PDCD4: variants seen among roughly 807,000 people sequenced by gnomAD.
PDCD4 encodes programmed cell death 4, also known as programmed cell death protein 4.
In PDCD4, 56 loss-of-function variants were observed where a neutral mutation model predicts 54.0. The ratio of observed to expected loss-of-function variants is 1.04; its 90% CI spans 0.84 to 1.30. PDCD4 has a LOEUF of 1.30. PDCD4 is among the 50% of genes most tolerant of loss of function. The pLI is 0.00. For missense variants in PDCD4, 584 were observed against 559.8 expected (o/e 1.04, Z -0.44); for synonymous variants, 186 against 194.8 (o/e 0.95, Z 0.37).
At chr10:110,876,560 G>GTGAAAA in intron 2 of PDCD4, 1 of 398,346 alleles carries the variant, frequency 2.5e-6, no homozygotes, top group Non-Finnish European at 4.6e-6. Flanking sequence ...GAGAAGAATA[G>GTGAAAA]TGAGCCTGCT....
At chr10:110,882,635 C>A (rs1047855917) in intron 3 of PDCD4, among the ~76,000 whole-genome samples, 1 of 151,978 alleles carries the variant, frequency 6.6e-6, no homozygotes, top group East Asian at 1.9e-4. Context: ...TAAGCTTTAC[C>A]GGCCCAGAAT....
At chr10:110,882,876 G>A in intron 3 of PDCD4, 127 bp from the exon 4 acceptor site, 1 of 622,230 alleles carries the variant, frequency 1.6e-6, no homozygotes, top group Non-Finnish European at 2.8e-6. Flanking sequence ...GAAGAAAACT[G>A]GAAAAAAACT....
At chr10:110,890,712 C>T in intron 8 of PDCD4, 42 bp downstream of exon 8, 1 of 1,245,248 alleles carries the variant, frequency 8.0e-7, no homozygotes, top group Non-Finnish European at 1.1e-6. Flanking sequence ...TATATGTATT[C>T]CTCTGAGTGA....
chr10:110,895,800 C>T, intron 10 of PDCD4, 148 bp from the exon 11 acceptor site: 1 of 571,846 alleles, frequency 1.7e-6, no homozygotes, highest in Non-Finnish European at 3.0e-6. Flanking sequence ...AATCTACTTT[C>T]TGTGCTTCTC....
chr10:110,885,888 A>G (rs1395900403), intron 5 of PDCD4, among the ~76,000 whole-genome samples: 3 of 152,212 alleles, frequency 2.0e-5, no homozygotes, highest in Non-Finnish European at 4.4e-5. Context: ...TGATTTGTTC[A>G]TAAAGTAAAT....
At chr10:110,875,884 T>C (rs1279437854) in intron 1 of PDCD4, 82 bp from the exon 2 acceptor site, 2 of 506,464 alleles carry the variant, frequency 3.9e-6, no homozygotes, top group Non-Finnish European at 3.5e-6. Context: ...GTTTTTACAG[T>C]GTGCTTAAGT....
At chr10:110,872,135 T>G (rs1845418460) in intron 1 of PDCD4, 117 bp downstream of exon 1, 1 of 152,034 alleles carries the variant, frequency 6.6e-6, no homozygotes, top group Non-Finnish European at 1.5e-5. Context: ...GGGGTCGCGG[T>G]CCTGTCAGGT....
chr10:110,897,355 A>G (rs1028679184), intron 11 of PDCD4, among the ~76,000 whole-genome samples: 3 of 152,152 alleles, frequency 2.0e-5, no homozygotes, highest in Non-Finnish European at 4.4e-5. Context: ...GCTTGTGCCT[A>G]TTGGCCTGGG....
Position 110,889,651 on chromosome 10 carries a change from A to G in PDCD4, c.875+21A>G, listed in dbSNP as rs767338380. On this transcript the variant is annotated intron_variant, in intron 7 of 11. Transcript: ENST00000280154. ...GCTAGGTAAGTAAATCACTTTTCCT[A>G]CTTAGAATTTCAAAATAGGGGAAAA... 3.6e-6 allele frequency: 5 copies of G among 1,376,086 alleles called. No individual in the cohort carries two copies. In the South Asian group the frequency reaches 4.9e-5, roughly 13 times the overall value. The allele number at this position is 1,376,086 out of a possible 1,614,324, so 85.2% of individuals were successfully genotyped here.
At chr10:110,889,457 T>G (rs1845722485) in intron 6 of PDCD4, 76 bp from the exon 7 acceptor site, 4 of 817,394 alleles carry the variant, frequency 4.9e-6, no homozygotes. Flanking sequence ...ATCTTCATCA[T>G]TTATGTATTT....
intron 10 of PDCD4, among the ~76,000 whole-genome samples, chr10:110,894,853 A>G (rs1242793700): frequency 6.6e-6 from 1 of 151,810 alleles, no homozygotes; most frequent in Non-Finnish European, 1.5e-5. Flanking sequence ...AACAAATTAT[A>G]AAGTACTTTT....
rs529575992 is a variant in PDCD4, at chr10:110,872,832, T to C, written c.-63+814T>C. ...ATGCCATCTTCTCCATTTGTCAGTT[T>C]GATGCTGTAACGTACATGGGGTTTT... On this transcript the variant is annotated intron_variant, in intron 1 of 11. Coordinates refer to ENST00000280154, the MANE Select transcript of PDCD4 (RefSeq NM_014456.5). 3.6e-4 allele frequency among the ~76,000 whole-genome samples: 55 copies of C among 152,290 alleles called. 1 individual carries two copies. The highest frequency in any genetic ancestry group is 3.4e-3 in the Middle Eastern group (1 of 294).
rs750840584 is a variant in PDCD4 at position 110,894,190 on chromosome 10, G to T, written c.1090G>T (p.Val364Leu). The change falls in exon 9 of 12, where the codon GTA becomes TTA. Residue 364 changes from valine (V) to leucine (L), a missense_variant. Val to Leu is a conservative substitution (Grantham distance 32, BLOSUM62 1). Transcript: ENST00000280154. ...AGTACCTCATTTTCACCATGAGCTTGTATATGAAGTAAGATTACCTTGCCA... is the reference window on the plus strand; with the variant it reads ...AGTACCTCATTTTCACCATGAGCTTTTATATGAAGTAAGATTACCTTGCCA... ...LEVPHFHHEL[V>L]YEAIIMVLES... is the part of the protein sequence containing the mutation. The T allele has an allele frequency of 6.4e-7, 1 of 1,558,426 alleles. No individual in the cohort carries two copies.
chr10:110,889,626 G>C lies in PDCD4; in HGVS notation c.871G>C (p.Ala291Pro). 1 of 1,541,926 alleles carries C rather than the reference G, an allele frequency of 6.5e-7. No homozygotes were observed. The highest frequency in any genetic ancestry group is 1.2e-5 in the South Asian group (1 of 85,902). Residue 291 changes from alanine to proline, a missense_variant, in exon 7 of 12, where the codon GCT becomes CCT. Coordinates refer to ENST00000280154, the MANE Select transcript of PDCD4 (RefSeq NM_014456.5). ...SYKGTVDCVQARAALDKATVL... is the reference protein window; with the variant it reads ...SYKGTVDCVQPRAALDKATVL... ...CAAAGGAACTGTAGATTGTGTGCAG[G>C]CTAGGTAAGTAAATCACTTTTCCTA...
At chr10:110,873,062 CTT>C (rs1464517453) in intron 1 of PDCD4, among the ~76,000 whole-genome samples, 2 of 152,132 alleles carry the variant, frequency 1.3e-5, no homozygotes, top group African/African-American at 4.8e-5. Context: ...CTTAACGTGA[CTT>C]TTTTGGGAAA....
chr10:110,886,928 CAA>C (rs1479015257), intron 5 of PDCD4, among the ~76,000 whole-genome samples: 1 of 152,002 alleles, frequency 6.6e-6, no homozygotes, highest in Non-Finnish European at 1.5e-5. Context: ...ATTTTTATTT[CAA>C]GAGAAGTCTT....
At chr10:110,895,871 G>T in intron 10 of PDCD4, 77 bp from the exon 11 acceptor site, 1 of 1,073,210 alleles carries the variant, frequency 9.3e-7, no homozygotes, top group Non-Finnish European at 1.3e-6. Context: ...ACAAATTGAT[G>T]ACATAGTGAT....
rs116961074 is a variant in PDCD4, at chr10:110,875,803, G to A, written c.-62-163G>A. ...AGATTGGAACCAAATGTTAATTAGG[G>A]TAAGTTGTCTTTGAAAGTAAAGTGA... is the stretch of plus-strand genomic sequence containing the variant. On this transcript the variant is annotated intron_variant, in intron 1 of 11. Transcript: ENST00000280154. Among the ~76,000 whole-genome samples the A allele has an allele frequency of 2.6e-3, 395 of 152,192 alleles. 1 individual carries two copies. Among genetic ancestry groups the A allele is most frequent in the Non-Finnish European group, 5.0e-3 (340 of 68,006 alleles).
intron 4 of PDCD4, 132 bp from the exon 5 acceptor site, chr10:110,885,121 A>G (rs181719870): frequency 2.4e-5 from 13 of 548,602 alleles, no homozygotes; most frequent in Non-Finnish European, 3.6e-5. Context: ...TATGCGATCA[A>G]TGTATGTAGC....
Sources: gnomAD v4.1 joint callset for allele counts (sites outside exome capture counted in the v4.1 genomes callset) on GRCh38, gnomAD v4.1.1 for gene constraint, MANE v1.5 for transcripts, NCBI Gene and HGNC (gene_info 2026-07-23, HGNC 2026-07-21) for gene names.